TENM2: variants seen among roughly 807,000 people sequenced by gnomAD.
TENM2 encodes the protein teneurin-2.
TENM2 carries 52 observed loss-of-function variants against 245.2 expected under a neutral mutation model. The observed-to-expected ratio is 0.21, with a 90% confidence interval of 0.17 to 0.27. TENM2 has a LOEUF of 0.27. Ranked by LOEUF, TENM2 falls within the 10% of genes least tolerant of loss-of-function variation. The pLI is 1.00. For missense variants in TENM2, 3,046 were observed against 3,666.8 expected (o/e 0.83, Z 4.37); for synonymous variants, 1,363 against 1,438.9 (o/e 0.95, Z 1.19).
rs117455306 is a variant in TENM2, at chr5:167,545,685, A to G, written c.502+170212A>G. Reference sequence around the variant, plus strand: ...ATAAGATACATGGTTTTATGCTTTTATGGGTACATCCAAAGTTTGTGAACT... The same window carrying G: ...ATAAGATACATGGTTTTATGCTTTTGTGGGTACATCCAAAGTTTGTGAACT... On this transcript the variant is annotated intron_variant, in intron 2 of 28. Transcript: ENST00000518659. Among the ~76,000 whole-genome samples the G allele has an allele frequency of 4.0e-3, 609 of 152,302 alleles. 9 individuals are homozygous for G. Among genetic ancestry groups the G allele is most frequent in the East Asian group, 0.039 (203 of 5,182 alleles).
intron 2 of TENM2, among the ~76,000 whole-genome samples, chr5:167,584,885 G>T (rs936730722): frequency 6.6e-6 from 1 of 151,844 alleles, no homozygotes; most frequent in African/African-American, 2.4e-5. Flanking sequence ...AGTAGATTTG[G>T]GGCTACACCT....
chr5:167,436,367 G>A (rs1350716279), intron 2 of TENM2, among the ~76,000 whole-genome samples: 1 of 152,110 alleles, frequency 6.6e-6, no homozygotes, highest in African/African-American at 2.4e-5. Flanking sequence ...GATTACAGGT[G>A]TGAACCACTG....
At chr5:167,668,843 A>G (rs552119543) in intron 2 of TENM2, among the ~76,000 whole-genome samples, 3 of 152,282 alleles carry the variant, frequency 2.0e-5, no homozygotes, top group African/African-American at 4.8e-5. Context: ...AGTCCCAGCT[A>G]CTTGTAAGGC....
intron 1 of TENM2, among the ~76,000 whole-genome samples, chr5:167,368,320 TG>T (rs981312407): frequency 6.6e-6 from 1 of 152,132 alleles, no homozygotes; most frequent in South Asian, 2.1e-4. Context: ...AATAACAGTT[TG>T]GGGGTGGGGC....
At chr5:167,296,063 A>T (rs1297855279) in intron 1 of TENM2, among the ~76,000 whole-genome samples, 4 of 152,344 alleles carry the variant, frequency 2.6e-5, no homozygotes, top group Admixed American at 2.0e-4. Context: ...AGACAGAAAA[A>T]TCTTTTCAAG....
chr5:168,116,102 G>C (rs978049757), intron 9 of TENM2, among the ~76,000 whole-genome samples: 3 of 152,058 alleles, frequency 2.0e-5, no homozygotes, highest in African/African-American at 7.2e-5. Context: ...TCTTAATTGG[G>C]CACCCTGGGT....
chr5:167,568,998 T>G (rs1774094619), intron 2 of TENM2, among the ~76,000 whole-genome samples: 1 of 143,052 alleles, frequency 7.0e-6, no homozygotes, highest in African/African-American at 2.5e-5. Context: ...ATGGAATGGG[T>G]GGCCTGAGGG....
At chr5:168,164,138 A>T (rs1758001130) in intron 13 of TENM2, among the ~76,000 whole-genome samples, 3 of 152,182 alleles carry the variant, frequency 2.0e-5, no homozygotes, top group Admixed American at 2.0e-4. Context: ...TTCCGCCTTT[A>T]ATATTTAACC....
At chr5:167,824,840 T>C (rs1417936280) in intron 2 of TENM2, among the ~76,000 whole-genome samples, 1 of 152,200 alleles carries the variant, frequency 6.6e-6, no homozygotes, top group Admixed American at 6.5e-5. Context: ...TTTCAAAAAA[T>C]GCTGGCTACC....
At chr5:167,511,271 T>A (rs1305650642) in intron 2 of TENM2, among the ~76,000 whole-genome samples, 1 of 152,092 alleles carries the variant, frequency 6.6e-6, no homozygotes, top group Non-Finnish European at 1.5e-5. Flanking sequence ...AAAGAAATTG[T>A]CTTTAATTTT....
rs12658432 is a variant in TENM2 at position 168,228,867 on chromosome 5, A to T, written c.5520+737A>T. On this transcript the variant is annotated intron_variant, in intron 25 of 28. Transcript: ENST00000518659. ...ATAACATTAATTATATTATTATTATAATTATTATATAATGTAATTTTATAT... is the reference window on the plus strand; with the variant it reads ...ATAACATTAATTATATTATTATTATTATTATTATATAATGTAATTTTATAT... Among the ~76,000 whole-genome samples, 802 of 147,920 alleles carry T rather than the reference A, an allele frequency of 5.4e-3. 19 individuals carry two copies. The highest frequency in any genetic ancestry group is 0.051 in the South Asian group (245 of 4,780).
At chr5:168,130,225 G>A (rs2152372687) in intron 12 of TENM2, 1 of 152,294 alleles carries the variant, frequency 6.6e-6, no homozygotes, top group East Asian at 1.9e-4. Context: ...ATTTATATTT[G>A]AAAATGTAGT....
the TENM2 span, among the ~76,000 whole-genome samples, chr5:167,188,381 T>C: frequency 6.6e-6 from 1 of 152,162 alleles, no homozygotes; most frequent in Non-Finnish European, 1.5e-5. Flanking sequence ...ATAGCACTTC[T>C]TTTTCCTCTT....
rs184089436 is a variant in TENM2 at position 168,191,850 on chromosome 5, G to A, written c.2780+1303G>A. ...AGGGTGGGATGGGGAAGGAATGGGT[G>A]TCAGCACAGCTGATTCTACAGCCTC... On this transcript the variant is annotated intron_variant, in intron 14 of 28. Coordinates refer to ENST00000518659, the Ensembl canonical transcript of TENM2. 4.8e-3 allele frequency among the ~76,000 whole-genome samples: 734 copies of A among 152,216 alleles called. 7 individuals are homozygous for A. Among genetic ancestry groups the A allele is most frequent in the Non-Finnish European group, 8.5e-3 (578 of 68,010 alleles).
At chr5:167,385,717 C>T (rs1456882049) in intron 2 of TENM2, among the ~76,000 whole-genome samples, 1 of 152,016 alleles carries the variant, frequency 6.6e-6, no homozygotes, top group Non-Finnish European at 1.5e-5. Flanking sequence ...CTTTTGCATC[C>T]TCATACCTTA....
At chr5:167,675,085 A>G (rs946949390) in intron 2 of TENM2, among the ~76,000 whole-genome samples, 9 of 152,138 alleles carry the variant, frequency 5.9e-5, no homozygotes, top group African/African-American at 2.2e-4. Flanking sequence ...ACATCACCCC[A>G]GGAATATGTA....
chr5:167,582,098 A>G (rs1411074326), intron 2 of TENM2, among the ~76,000 whole-genome samples: 1 of 152,162 alleles, frequency 6.6e-6, no homozygotes. Context: ...ATCTGGCTTT[A>G]TGGAAAAACC....
rs373730169 is a variant in TENM2, at chr5:167,834,504, G to A, written c.503-41482G>A. 5.9e-5 allele frequency among the ~76,000 whole-genome samples: 9 copies of A among 152,180 alleles called. No homozygotes were observed. In the East Asian group the frequency reaches 7.7e-4, roughly 13 times the overall value. On this transcript the variant is annotated intron_variant, in intron 2 of 28. Transcript: ENST00000518659. Reference sequence around the variant, plus strand: ...ATTGTGTATTTGAAGCTGATTTCATGTGCTTAAATATCTTGAAGGTTGTTT... The same window carrying A: ...ATTGTGTATTTGAAGCTGATTTCATATGCTTAAATATCTTGAAGGTTGTTT...
At chr5:167,754,412 T>C (rs994531715) in intron 2 of TENM2, among the ~76,000 whole-genome samples, 1 of 152,206 alleles carries the variant, frequency 6.6e-6, no homozygotes, top group Non-Finnish European at 1.5e-5. Context: ...AATGTAACTA[T>C]GCTGTGCTGT....
Sources: allele counts gnomAD v4.1 joint callset (sites outside exome capture counted in the v4.1 genomes callset), GRCh38; gene constraint gnomAD v4.1.1; transcripts MANE v1.5; gene names NCBI Gene and HGNC (gene_info 2026-07-23, HGNC 2026-07-21).